TLN2: variants seen among roughly 807,000 people sequenced by gnomAD.
TLN2 encodes the protein talin 2.
Under a neutral mutation model 294.7 loss-of-function variants are expected in TLN2, and 118 were observed. The ratio of observed to expected loss-of-function variants is 0.40; its 90% CI spans 0.34 to 0.47. The LOEUF is 0.47. Ranked by LOEUF, TLN2 falls within the 20% of genes least tolerant of loss-of-function variation. The pLI is 0.84. For missense variants in TLN2, 3,083 were observed against 3,282.2 expected (o/e 0.94, Z 1.48); for synonymous variants, 1,431 against 1,304.5 (o/e 1.10, Z -2.09).
chr15:62,793,555 C>T (rs2065232273), intron 46 of TLN2, among the ~76,000 whole-genome samples: 1 of 152,174 alleles, frequency 6.6e-6, no homozygotes, highest in Non-Finnish European at 1.5e-5. Context: ...ATAAATCTAG[C>T]TACTGTTTTC....
intron 3 of TLN2, among the ~76,000 whole-genome samples, chr15:62,645,678 C>T (rs927045604): frequency 3.9e-5 from 6 of 152,168 alleles, no homozygotes; most frequent in East Asian, 3.9e-4. Context: ...GCCTTGTGGC[C>T]ATCTTGTTGC....
chr15:62,697,110 G>T (rs913741590), intron 14 of TLN2, among the ~76,000 whole-genome samples: 1 of 152,152 alleles, frequency 6.6e-6, no homozygotes, highest in Non-Finnish European at 1.5e-5. Context: ...CTGTGTTGTT[G>T]TCATTTTCTC....
intron 2 of TLN2, among the ~76,000 whole-genome samples, chr15:62,604,161 A>C (rs932129564): frequency 6.6e-6 from 1 of 152,130 alleles, no homozygotes; most frequent in African/African-American, 2.4e-5. Flanking sequence ...TAGTTTGTCA[A>C]CCTGTGCTCT....
chr15:62,823,827 T>C (rs1414912720), intron 54 of TLN2: 1 of 407,610 alleles, frequency 2.5e-6, no homozygotes, highest in Non-Finnish European at 4.9e-6. Flanking sequence ...TGGCGCCGTT[T>C]CCACATCTGC....
intron 3 of TLN2, among the ~76,000 whole-genome samples, chr15:62,635,542 T>C (rs2050294062): frequency 6.6e-6 from 1 of 152,188 alleles, no homozygotes; most frequent in South Asian, 2.1e-4. Flanking sequence ...TGCATACATA[T>C]TGGAAGGAAA....
At chr15:62,596,830 T>C (rs2046568628) in intron 2 of TLN2, among the ~76,000 whole-genome samples, 1 of 152,218 alleles carries the variant, frequency 6.6e-6, no homozygotes, top group African/African-American at 2.4e-5. Flanking sequence ...CAGAAAAGCT[T>C]ATAGTGAAAA....
At chr15:62,727,045 C>T (rs2060477264) in intron 27 of TLN2, 42 bp from the exon 28 acceptor site, 1 of 1,594,398 alleles carries the variant, frequency 6.3e-7, no homozygotes, top group Non-Finnish European at 8.6e-7. Flanking sequence ...AGCAGATGTT[C>T]CTTTTCTTCT....
At chr15:62,837,020 C>G (rs1331672264) in intron 57 of TLN2, among the ~76,000 whole-genome samples, 1 of 152,168 alleles carries the variant, frequency 6.6e-6, no homozygotes, top group Non-Finnish European at 1.5e-5. Flanking sequence ...TTTCCCTATA[C>G]TTTGGACATT....
chr15:62,644,413 C>A, intron 3 of TLN2: 1 of 445,562 alleles, frequency 2.2e-6, no homozygotes, highest in South Asian at 1.6e-5. Flanking sequence ...CTCTCCCTCA[C>A]TCCCTAGGTG....
At chr15:62,416,393 T>C (rs2034083929) in intron 1 of TLN2, among the ~76,000 whole-genome samples, 1 of 152,238 alleles carries the variant, frequency 6.6e-6, no homozygotes, top group Non-Finnish European at 1.5e-5. Flanking sequence ...CACAATCTTA[T>C]TATTGGCTAA....
At chr15:62,670,524 G>T (rs764535164) in intron 9 of TLN2, among the ~76,000 whole-genome samples, 14 of 152,162 alleles carry the variant, frequency 9.2e-5, no homozygotes, top group Non-Finnish European at 1.6e-4. Context: ...ATATTTCTTA[G>T]ATCCCTCCTT....
intron 9 of TLN2, among the ~76,000 whole-genome samples, chr15:62,662,729 A>G (rs2054002469): frequency 6.6e-6 from 1 of 152,194 alleles, no homozygotes; most frequent in Non-Finnish European, 1.5e-5. Flanking sequence ...CTATTAAGTA[A>G]GTAAAATACA....
chr15:62,547,960 A>C (rs145848622), intron 1 of TLN2, among the ~76,000 whole-genome samples: 1 of 152,186 alleles, frequency 6.6e-6, no homozygotes, highest in Non-Finnish European at 1.5e-5. Flanking sequence ...GCATCTGCCT[A>C]TACAGGAGTT....
At chr15:62,596,664 G>A (rs373761649) in intron 2 of TLN2, among the ~76,000 whole-genome samples, 14 of 152,024 alleles carry the variant, frequency 9.2e-5, no homozygotes, top group African/African-American at 3.4e-4. Context: ...CTTGAACTTG[G>A]GAGGTAGAGG....
rs761558204 is a variant in TLN2 at position 62,673,888 on chromosome 15, C to G, written c.850C>G (p.Gln284Glu). 4 of 1,612,446 alleles carry G rather than the reference C, an allele frequency of 2.5e-6. No individual in the cohort carries two copies. Among genetic ancestry groups the G allele is most frequent in the African/African-American group, 1.3e-5 (1 of 74,846 alleles). ...GAGAGGAGCTGAAAAGAGGATCTTT[C>G]AGGTATTGGAAATGTACAGAACTTT... ...KQRGAEKRIF[Q>E]EHKNCGEMSE... Residue 284 changes from glutamine (Q) to glutamate (E), a missense_variant and splice_region_variant, in exon 10 of 59, where the codon CAG becomes GAG. Transcript: ENST00000636159.
rs112063745 is a variant in TLN2 at position 62,451,274 on chromosome 15, C to T, written c.-238+60589C>T. On this transcript the variant is annotated intron_variant, in intron 1 of 58. Transcript: ENST00000636159. ...TGCAGACTGCCCCATGTGTCTAGGG[C>T]GTGGTGTGAGGGGCTAGTTGTGGCA... is the stretch of plus-strand genomic sequence containing the variant. 2.8e-3 allele frequency among the ~76,000 whole-genome samples: 425 copies of T among 152,110 alleles called. 4 individuals are homozygous for T. The highest frequency in any genetic ancestry group is 9.5e-3 in the African/African-American group (394 of 41,486).
intron 51 of TLN2, among the ~76,000 whole-genome samples, chr15:62,807,255 T>C (rs4775544): frequency 0.98 from 149,706 of 152,280 alleles, 73,632 homozygotes; most frequent in Middle Eastern, 1. Context: ...CTGCATGCAT[T>C]GTGGTGTACA....
intron 52 of TLN2, among the ~76,000 whole-genome samples, chr15:62,815,494 A>T (rs1596100640): frequency 1.3e-5 from 2 of 152,180 alleles, no homozygotes; most frequent in African/African-American, 4.8e-5. Context: ...AAATTCCAGA[A>T]ATCAAGGTTT....
At chr15:62,770,839 C>T in intron 41 of TLN2, 125 bp from the exon 42 acceptor site, 1 of 1,165,262 alleles carries the variant, frequency 8.6e-7, no homozygotes, top group Non-Finnish European at 1.2e-6. Flanking sequence ...TAAATTGCAG[C>T]AGATCTGCCT....
Sources: gnomAD v4.1 joint callset for allele counts (sites outside exome capture counted in the v4.1 genomes callset) on GRCh38, gnomAD v4.1.1 for gene constraint, MANE v1.5 for transcripts, NCBI Gene and HGNC (gene_info 2026-07-23, HGNC 2026-07-21) for gene names.